Variants in MARCHF4 observed in about 807,000 individuals in gnomAD.
MARCHF4 encodes the protein membrane associated ring-CH-type finger 4, also known as E3 ubiquitin-protein ligase MARCHF4.
MARCHF4 carries 14 observed loss-of-function variants against 43.9 expected under a neutral mutation model. The observed-to-expected ratio is 0.32, with a 90% confidence interval of 0.21 to 0.50. The LOEUF (loss-of-function observed/expected upper bound fraction) is 0.50. MARCHF4 is among the 20% of genes least tolerant of loss of function. MARCHF4 has a pLI of 0.98. For missense variants in MARCHF4, 468 were observed against 536.7 expected (o/e 0.87, Z 1.27); for synonymous variants, 226 against 213.3 (o/e 1.06, Z -0.52).
chr2:216,274,638 A>ACCAT (rs1690993040), intron 3 of MARCHF4, among the ~76,000 whole-genome samples: 1 of 152,048 alleles, frequency 6.6e-6, no homozygotes, highest in African/African-American at 2.4e-5. Context: ...GTGGATTCCC[A>ACCAT]CCATTGCCTT....
intron 1 of MARCHF4, among the ~76,000 whole-genome samples, chr2:216,289,233 A>AAG (rs1553516262): frequency 9.7e-6 from 1 of 102,602 alleles, no homozygotes; most frequent in East Asian, 3.0e-4. Context: ...TTTCTTCCCC[A>AAG]CCCGCCCCCC....
chr2:216,307,101 A>T (rs1267618240), intron 1 of MARCHF4, among the ~76,000 whole-genome samples: 2 of 152,102 alleles, frequency 1.3e-5, no homozygotes, highest in Non-Finnish European at 2.9e-5. Context: ...CCGCCCTGGT[A>T]GGTGAGTCCC....
chr2:216,369,448 G>T (rs114628161), intron 1 of MARCHF4, among the ~76,000 whole-genome samples: 22 of 152,258 alleles, frequency 1.4e-4, no homozygotes, highest in African/African-American at 5.1e-4. Flanking sequence ...TCTTCACTCC[G>T]TTGTTTCTAG....
chr2:216,272,620 T>A (rs1690958144), intron 3 of MARCHF4, among the ~76,000 whole-genome samples: 1 of 152,244 alleles, frequency 6.6e-6, no homozygotes, highest in Non-Finnish European at 1.5e-5. Context: ...ACAGTTGCTT[T>A]AAGCCTTTCC....
chr2:216,266,038 A>C (rs1009496954), intron 3 of MARCHF4: 1 of 152,224 alleles, frequency 6.6e-6, no homozygotes, highest in African/African-American at 2.4e-5. Flanking sequence ...TAATTTTAAA[A>C]AGTAATCTAC....
At chr2:216,273,137 G>A (rs569229246) in intron 3 of MARCHF4, among the ~76,000 whole-genome samples, 13 of 152,342 alleles carry the variant, frequency 8.5e-5, no homozygotes, top group South Asian at 6.2e-4. Flanking sequence ...GTTGGCTTTC[G>A]TGAAGCTTCT....
intron 2 of MARCHF4, among the ~76,000 whole-genome samples, chr2:216,280,135 T>C (rs1338000023): frequency 6.6e-6 from 1 of 151,962 alleles, no homozygotes; most frequent in African/African-American, 2.4e-5. Context: ...TCCTCCTGTC[T>C]GTCCCATATG....
intron 1 of MARCHF4, among the ~76,000 whole-genome samples, chr2:216,341,554 G>A (rs1404260654): frequency 6.6e-6 from 1 of 152,208 alleles, no homozygotes; most frequent in African/African-American, 2.4e-5. Flanking sequence ...ATGGTTTTAA[G>A]GGCATAAGGC....
chr2:216,275,379 C>T (rs1206034424), intron 3 of MARCHF4, among the ~76,000 whole-genome samples: 1 of 152,184 alleles, frequency 6.6e-6, no homozygotes, highest in Non-Finnish European at 1.5e-5. Context: ...CAGACCTATG[C>T]ATGACAGCCC....
At chr2:216,293,177 C>T (rs998328948) in intron 1 of MARCHF4, among the ~76,000 whole-genome samples, 4 of 152,124 alleles carry the variant, frequency 2.6e-5, no homozygotes, top group Non-Finnish European at 5.9e-5. Context: ...TGGAGTCCGT[C>T]CCAGCCAATC....
At chr2:216,280,747 T>C (rs572068291) in intron 2 of MARCHF4, among the ~76,000 whole-genome samples, 6 of 152,294 alleles carry the variant, frequency 3.9e-5, no homozygotes, top group African/African-American at 1.4e-4. Flanking sequence ...TGTGCCTCCA[T>C]TGTCTCATCT....
intron 1 of MARCHF4, among the ~76,000 whole-genome samples, chr2:216,289,052 C>CATAT (rs56047113): frequency 6.9e-6 from 1 of 145,550 alleles, no homozygotes; most frequent in African/African-American, 2.5e-5. Context: ...TATATATAAA[C>CATAT]ATATATATAT....
In MARCHF4 at chr2:216,371,091, GA is replaced by G; in HGVS notation, c.-832del. ...GGAGGTAAAATAGAGGTTTGGGAAG[GA>G]AAAAGGATGGGAGAAAAAGAAAAGA... On this transcript the variant is annotated 5_prime_UTR_variant, in exon 1 of 4. An upstream open reading frame in the 5' UTR gains an earlier in-frame stop. Coordinates refer to ENST00000273067, the MANE Select transcript of MARCHF4 (RefSeq NM_020814.3). The G allele has an allele frequency of 6.6e-6, 1 of 152,284 alleles. No individual in the cohort carries two copies. The highest frequency in any genetic ancestry group is 1.5e-5 in the Non-Finnish European group (1 of 68,098). The allele number at this position is 152,284 out of a possible 1,614,324, so 9.4% of individuals were successfully genotyped here. A position where few individuals can be genotyped will look rare whatever the true frequency, so the allele number is the denominator to read the frequency against.
chr2:216,276,602 C>T (rs906039690), intron 3 of MARCHF4, among the ~76,000 whole-genome samples: 1 of 152,206 alleles, frequency 6.6e-6, no homozygotes, highest in Non-Finnish European at 1.5e-5. Context: ...CAAAGAAATT[C>T]ACACAAACGT....
At chr2:216,363,781 CT>C (rs1692625334) in intron 1 of MARCHF4, among the ~76,000 whole-genome samples, 1 of 152,150 alleles carries the variant, frequency 6.6e-6, no homozygotes, top group Non-Finnish European at 1.5e-5. Flanking sequence ...CTGGCAACAC[CT>C]TAGGATTTCT....
At chr2:216,270,641 C>T (rs967356350) in intron 3 of MARCHF4, among the ~76,000 whole-genome samples, 1 of 152,134 alleles carries the variant, frequency 6.6e-6, no homozygotes, top group Non-Finnish European at 1.5e-5. Flanking sequence ...GCTCTTGCCT[C>T]TCTGCCTGGA....
chr2:216,263,253 C>A (rs1690771974), intron 3 of MARCHF4, among the ~76,000 whole-genome samples: 1 of 152,174 alleles, frequency 6.6e-6, no homozygotes, highest in Non-Finnish European at 1.5e-5. Flanking sequence ...ATGGTGAAAC[C>A]CCATCTCTAC....
intron 1 of MARCHF4, among the ~76,000 whole-genome samples, chr2:216,355,224 G>T (rs1476142271): frequency 6.6e-6 from 1 of 151,966 alleles, no homozygotes; most frequent in Non-Finnish European, 1.5e-5. Flanking sequence ...CACTTGCCTT[G>T]GCCTCCCAAA....
chr2:216,263,535 G>C (rs897009398), intron 3 of MARCHF4, among the ~76,000 whole-genome samples: 1 of 149,972 alleles, frequency 6.7e-6, no homozygotes, highest in Admixed American at 6.6e-5. Context: ...GAGAGAGAGA[G>C]AGAAAGAGAG....
Sources: allele counts gnomAD v4.1 joint callset (sites outside exome capture counted in the v4.1 genomes callset), GRCh38; gene constraint gnomAD v4.1.1; transcripts MANE v1.5; gene names NCBI Gene and HGNC (gene_info 2026-07-23, HGNC 2026-07-21).